The following EBF2 variants were observed in gnomAD, a reference collection of about 807,000 sequenced individuals.
The protein encoded by EBF2 is EBF transcription factor 2, also known as transcription factor COE2.
In EBF2, 21 loss-of-function variants were observed where a neutral mutation model predicts 72.8. That is an observed-to-expected ratio of 0.29 (90% confidence interval 0.20 to 0.42). The LOEUF is 0.42. Ranked by LOEUF, EBF2 falls within the 10% of genes least tolerant of loss-of-function variation. The probability of loss-of-function intolerance (pLI) is 1.00; values close to 1 mark genes in which losing one functional copy is unlikely to be tolerated. For missense variants in EBF2, 637 were observed against 731.2 expected (o/e 0.87, Z 1.49); for synonymous variants, 299 against 274.2 (o/e 1.09, Z -0.89).
chr8:25,963,650 A>C (rs764036182), intron 6 of EBF2, among the ~76,000 whole-genome samples: 1 of 152,220 alleles, frequency 6.6e-6, no homozygotes, highest in South Asian at 2.1e-4. Flanking sequence ...ACTACAATGC[A>C]GGATATTTTT....
intron 6 of EBF2, among the ~76,000 whole-genome samples, chr8:25,999,595 T>A (rs1804688680): frequency 6.6e-6 from 1 of 152,036 alleles, no homozygotes; most frequent in African/African-American, 2.4e-5. Context: ...CCTACATGTC[T>A]TCTGCTTTCT....
intron 6 of EBF2, among the ~76,000 whole-genome samples, chr8:25,983,274 A>G (rs1804393135): frequency 6.6e-6 from 1 of 152,238 alleles, no homozygotes; most frequent in Admixed American, 6.5e-5. Flanking sequence ...TGAGTGTGAA[A>G]GTTAAAATAA....
At chr8:25,890,577 C>T (rs1303394978) in intron 7 of EBF2, among the ~76,000 whole-genome samples, 5 of 152,160 alleles carry the variant, frequency 3.3e-5, no homozygotes, top group Admixed American at 1.3e-4. Flanking sequence ...TTCACCTTTT[C>T]TAATCTCAGT....
intron 7 of EBF2, among the ~76,000 whole-genome samples, chr8:25,901,581 C>T (rs917959633): frequency 6.6e-6 from 1 of 152,082 alleles, no homozygotes; most frequent in African/African-American, 2.4e-5. Flanking sequence ...AAATGAAGTC[C>T]TTTTGAGGCA....
At chr8:26,015,983 T>A (rs925640274) in intron 6 of EBF2, among the ~76,000 whole-genome samples, 1 of 152,204 alleles carries the variant, frequency 6.6e-6, no homozygotes, top group Non-Finnish European at 1.5e-5. Flanking sequence ...AAGGCCCTAA[T>A]GTTTTTCCCA....
At chr8:25,846,668 G>A (rs986133421) in intron 15 of EBF2, among the ~76,000 whole-genome samples, 3 of 152,150 alleles carry the variant, frequency 2.0e-5, no homozygotes, top group African/African-American at 7.2e-5. Flanking sequence ...CAACCTGTGT[G>A]ACAGAGTGAG....
At chr8:26,029,727 A>G (rs976438750) in intron 6 of EBF2, among the ~76,000 whole-genome samples, 1 of 152,218 alleles carries the variant, frequency 6.6e-6, no homozygotes, top group Non-Finnish European at 1.5e-5. Flanking sequence ...AAGGACAAGG[A>G]ACAGAGTTCT....
chr8:25,889,764 C>A lies in EBF2; in HGVS notation c.739G>T (p.Asp247Tyr). 1 of 1,613,714 alleles carries A rather than the reference C, an allele frequency of 6.2e-7. No homozygotes were observed. The highest frequency in any genetic ancestry group is 8.5e-7 in the Non-Finnish European group (1 of 1,179,702). The change falls in exon 8 of 16, where the codon GAT becomes TAT. Residue 247 changes from aspartate (D) to tyrosine (Y), a missense_variant. By Grantham distance (160) the Asp-to-Tyr change is radical. Coordinates refer to ENST00000520164, the MANE Select transcript of EBF2 (RefSeq NM_022659.4). ...SKHGRRARRL[D>Y]PSEATPCIKA... ...CAGGCAGCCCTACCTTCCGATGGATCGAGTCTTCTTGCTCTCCGTCCATGC... is the reference window on the plus strand; with the variant it reads ...CAGGCAGCCCTACCTTCCGATGGATAGAGTCTTCTTGCTCTCCGTCCATGC...
chr8:25,871,961 T>TA (rs1291547124), intron 10 of EBF2, among the ~76,000 whole-genome samples: 7,727 of 144,872 alleles, frequency 0.053, 575 homozygotes, highest in African/African-American at 0.17. Context: ...AACCACTCTT[T>TA]AAAAAAAAAA....
intron 6 of EBF2, among the ~76,000 whole-genome samples, chr8:25,978,107 G>A (rs1260724270): frequency 6.6e-6 from 1 of 152,054 alleles, no homozygotes; most frequent in African/African-American, 2.4e-5. Context: ...CCGAACCCTC[G>A]TCACACTGGA....
Position 25,919,846 on chromosome 8 carries a change from A to T in EBF2, c.552-11291T>A, listed in dbSNP as rs371160997. On this transcript the variant is annotated intron_variant, in intron 6 of 15. Coordinates refer to ENST00000520164, the MANE Select transcript of EBF2 (RefSeq NM_022659.4). ...ACCTCCTGGGGCTATCTATTGCAAC[A>T]ACTAACTCAAGTGCAAAAAATATTT... is the stretch of plus-strand genomic sequence containing the variant. Among the ~76,000 whole-genome samples the T allele has an allele frequency of 1.6e-4, 24 of 152,328 alleles. No homozygotes were observed. In the South Asian group the frequency reaches 4.8e-3, roughly 30 times the overall value.
intron 7 of EBF2, among the ~76,000 whole-genome samples, chr8:25,891,467 C>T (rs184966856): frequency 2.0e-5 from 3 of 152,056 alleles, no homozygotes; most frequent in Admixed American, 6.6e-5. Context: ...AATGAAGAGT[C>T]GTGTTTAAAA....
intron 5 of EBF2, among the ~76,000 whole-genome samples, chr8:26,037,303 G>C (rs1235649025): frequency 6.6e-6 from 1 of 152,192 alleles, no homozygotes; most frequent in Non-Finnish European, 1.5e-5. Context: ...CTTGGACAGA[G>C]AGTGTCCCGT....
chr8:25,865,096 C>T (rs1249030382), intron 10 of EBF2, among the ~76,000 whole-genome samples: 6 of 151,990 alleles, frequency 3.9e-5, no homozygotes, highest in African/African-American at 1.4e-4. Flanking sequence ...CCACCGCACC[C>T]GGCCTTCTCA....
At chr8:25,932,404 C>T (rs1477568585) in intron 6 of EBF2, among the ~76,000 whole-genome samples, 2 of 151,306 alleles carry the variant, frequency 1.3e-5, no homozygotes, top group South Asian at 2.1e-4. Context: ...GAACGGGCAG[C>T]GTACGGGATG....
chr8:26,018,875 A>G (rs1164024942), intron 6 of EBF2, among the ~76,000 whole-genome samples: 1 of 150,144 alleles, frequency 6.7e-6, no homozygotes, highest in Non-Finnish European at 1.5e-5. Flanking sequence ...TAAACAAGCC[A>G]CATTAGTATT....
intron 10 of EBF2, among the ~76,000 whole-genome samples, chr8:25,874,708 C>G (rs1802492036): frequency 6.6e-6 from 1 of 151,958 alleles, no homozygotes; most frequent in Non-Finnish European, 1.5e-5. Context: ...ATTTAAGAAA[C>G]AAGGTTTCCC....
chr8:25,897,375 A>G (rs767631254), intron 7 of EBF2, among the ~76,000 whole-genome samples: 62 of 151,158 alleles, frequency 4.1e-4, no homozygotes, highest in Non-Finnish European at 5.5e-4. Context: ...TTCAACTTTT[A>G]TTTTAGATTC....
At chr8:26,022,699 G>A (rs1805223000) in intron 6 of EBF2, among the ~76,000 whole-genome samples, 1 of 152,156 alleles carries the variant, frequency 6.6e-6, no homozygotes, top group Non-Finnish European at 1.5e-5. Flanking sequence ...ACCAGCTCCA[G>A]CTCCTTGGTG....
Sources: gnomAD v4.1 joint callset for allele counts (sites outside exome capture counted in the v4.1 genomes callset) on GRCh38, gnomAD v4.1.1 for gene constraint, MANE v1.5 for transcripts, NCBI Gene and HGNC (gene_info 2026-07-23, HGNC 2026-07-21) for gene names.